The following TMCC1 variants were observed in gnomAD, a reference collection of about 807,000 sequenced individuals.
TMCC1 encodes the protein transmembrane and coiled-coil domain family 1.
A neutral mutation model predicts 52.4 loss-of-function variants in TMCC1; 15 were observed. The ratio of observed to expected loss-of-function variants is 0.29; its 90% CI spans 0.19 to 0.44. The LOEUF is 0.44. Ranked by LOEUF, TMCC1 falls within the 20% of genes least tolerant of loss-of-function variation. The pLI, the probability that TMCC1 is intolerant of heterozygous loss-of-function variation, is 1.00. For synonymous variants in TMCC1, 279 were observed against 301.9 expected, an observed-to-expected ratio of 0.92 and a Z score of 0.79; for missense variants, 503 against 806.0, an observed-to-expected ratio of 0.62 and a Z score of 4.55.
chr3:129,878,455 C>T (rs2061323640), intron 2 of TMCC1, among the ~76,000 whole-genome samples: 1 of 152,180 alleles, frequency 6.6e-6, no homozygotes, highest in South Asian at 2.1e-4. Context: ...AATCTATCAG[C>T]AAAACCTGCT....
chr3:129,779,540 C>T (rs1166443991), intron 4 of TMCC1, among the ~76,000 whole-genome samples: 1 of 152,060 alleles, frequency 6.6e-6, no homozygotes, highest in Non-Finnish European at 1.5e-5. Flanking sequence ...GGGTAAATAT[C>T]CTCAAAGCAG....
chr3:129,877,301 T>G (rs1913241), intron 2 of TMCC1, among the ~76,000 whole-genome samples: 1 of 152,208 alleles, frequency 6.6e-6, no homozygotes, highest in African/African-American at 2.4e-5. Context: ...TTTGACACAG[T>G]TGATCACTCC....
At chr3:129,754,800 G>T (rs140523424) in intron 4 of TMCC1, among the ~76,000 whole-genome samples, 1 of 152,280 alleles carries the variant, frequency 6.6e-6, no homozygotes, top group East Asian at 1.9e-4. Flanking sequence ...AAAAAAGGCT[G>T]GGTGCAGTGG....
chr3:129,874,011 T>C (rs2061062876), intron 2 of TMCC1, among the ~76,000 whole-genome samples: 1 of 152,070 alleles, frequency 6.6e-6, no homozygotes, highest in Non-Finnish European at 1.5e-5. Flanking sequence ...TTAAAGGTAA[T>C]ATAAATATAT....
At chr3:129,808,913 A>G (rs2057629808) in intron 4 of TMCC1, among the ~76,000 whole-genome samples, 1 of 121,504 alleles carries the variant, frequency 8.2e-6, no homozygotes, top group Non-Finnish European at 1.6e-5. Context: ...CTTGGGTTAG[A>G]TATGCTGGAA....
At position 129,824,316 on chromosome 3, in the gene TMCC1, A is replaced by G. The variant is rs867747082; in HGVS notation, c.576+3487T>C. Among the ~76,000 whole-genome samples the G allele has an allele frequency of 3.9e-5, 6 of 152,106 alleles. No individual in the cohort carries two copies. The South Asian group carries it at 1.2e-3, about 32-fold the overall frequency. The stretch of plus-strand genomic sequence containing the variant: ...ATGCCGCTGCACTCCAGCCTGGGTG[A>G]CAGAGCGTGACTCTGTGTCAAAAAA... On this transcript the variant is annotated intron_variant, in intron 4 of 6. Transcript: ENST00000393238.
At chr3:129,883,149 A>C (rs1182016716) in intron 1 of TMCC1, among the ~76,000 whole-genome samples, 2 of 151,862 alleles carry the variant, frequency 1.3e-5, no homozygotes, top group Admixed American at 1.3e-4. Flanking sequence ...ACACACACAC[A>C]CACACACACA....
At chr3:129,743,169 G>A (rs1328828275) in intron 4 of TMCC1, among the ~76,000 whole-genome samples, 1 of 152,100 alleles carries the variant, frequency 6.6e-6, no homozygotes, top group African/African-American at 2.4e-5. Context: ...CAATGGGTGA[G>A]GTGTATGGTA....
intron 4 of TMCC1, among the ~76,000 whole-genome samples, chr3:129,749,229 G>A (rs763289275): frequency 3.1e-4 from 47 of 151,586 alleles, no homozygotes; most frequent in Admixed American, 1.7e-3. Flanking sequence ...CACTGTACAC[G>A]AGTAAAAGAC....
In TMCC1 at chr3:129,712,484, G is replaced by A. The variant is rs193057773; in HGVS notation, c.577-41220C>T. ...TATTTTTGAGACAGGGTCTTGGTTTGTTGCCCAGGCTGAAGTGCAGTGGCA... is the reference window on the plus strand; with the variant it reads ...TATTTTTGAGACAGGGTCTTGGTTTATTGCCCAGGCTGAAGTGCAGTGGCA... On this transcript the variant is annotated intron_variant, in intron 4 of 6. Transcript: ENST00000393238. 6.6e-5 allele frequency among the ~76,000 whole-genome samples: 10 copies of A among 152,292 alleles called. No individual in the cohort carries two copies. In the East Asian group the frequency reaches 1.4e-3, roughly 21 times the overall value.
intron 4 of TMCC1, among the ~76,000 whole-genome samples, chr3:129,671,752 C>T (rs2087963345): frequency 6.6e-6 from 1 of 152,136 alleles, no homozygotes; most frequent in Admixed American, 6.6e-5. Flanking sequence ...AGGTATGTTA[C>T]TGGCTAGATA....
At chr3:129,722,244 C>G (rs1353624062) in intron 4 of TMCC1, among the ~76,000 whole-genome samples, 22 of 152,140 alleles carry the variant, frequency 1.4e-4, no homozygotes, top group Admixed American at 1.4e-3. Context: ...CCTGTCAGAT[C>G]AGTGGTGGCA....
intron 4 of TMCC1, among the ~76,000 whole-genome samples, chr3:129,690,420 A>AAT (rs566357622): frequency 9.9e-4 from 151 of 152,302 alleles, no homozygotes; most frequent in African/African-American, 3.4e-3. Flanking sequence ...TACAGTATTT[A>AAT]ATCTTTTGTA....
intron 4 of TMCC1, among the ~76,000 whole-genome samples, chr3:129,748,814 C>G (rs2052231653): frequency 6.6e-6 from 1 of 151,928 alleles, no homozygotes; most frequent in African/African-American, 2.4e-5. Flanking sequence ...ACCAGCCTGG[C>G]CAACGTGGCA....
intron 2 of TMCC1, among the ~76,000 whole-genome samples, chr3:129,875,490 CA>C (rs370431347): frequency 0.042 from 722 of 17,312 alleles, 5 homozygotes; most frequent in African/African-American, 0.07. Context: ...GACTCCATCT[CA>C]AAAAAAAAAA....
At chr3:129,759,847 G>C (rs1239334636) in intron 4 of TMCC1, among the ~76,000 whole-genome samples, 2 of 145,964 alleles carry the variant, frequency 1.4e-5, no homozygotes, top group African/African-American at 2.5e-5. Context: ...TCAGCCTCCT[G>C]AGTAGCTGGG....
At chr3:129,785,995 C>T (rs1035014376) in intron 4 of TMCC1, among the ~76,000 whole-genome samples, 11 of 139,088 alleles carry the variant, frequency 7.9e-5, no homozygotes, top group South Asian at 7.2e-4. Flanking sequence ...AGTATAGTGG[C>T]GCGATGTTGG....
chr3:129,779,919 T>C (rs1236612633), intron 4 of TMCC1, among the ~76,000 whole-genome samples: 2 of 152,166 alleles, frequency 1.3e-5, no homozygotes, highest in East Asian at 3.8e-4. Context: ...CACCACTTTG[T>C]CACTTTAATC....
intron 4 of TMCC1, among the ~76,000 whole-genome samples, chr3:129,827,318 T>C (rs776186224): frequency 1.3e-4 from 20 of 152,240 alleles, no homozygotes; most frequent in Non-Finnish European, 2.5e-4. Flanking sequence ...TGCTCTACTG[T>C]GGCATGCAAA....
Sources: gnomAD v4.1 joint callset for allele counts (sites outside exome capture counted in the v4.1 genomes callset) on GRCh38, gnomAD v4.1.1 for gene constraint, MANE v1.5 for transcripts, NCBI Gene and HGNC (gene_info 2026-07-23, HGNC 2026-07-21) for gene names.